The following STXBP5L variants were observed in gnomAD, a reference collection of about 807,000 sequenced individuals.
STXBP5L encodes the protein syntaxin binding protein 5L.
Under a neutral mutation model 144.5 loss-of-function variants are expected in STXBP5L, and 65 were observed. The ratio of observed to expected loss-of-function variants is 0.45; its 90% CI spans 0.37 to 0.55. The LOEUF is 0.55. Ranked by LOEUF, STXBP5L falls within the 20% of genes least tolerant of loss-of-function variation. STXBP5L has a pLI of 0.00. For synonymous variants in STXBP5L, 505 were observed against 469.6 expected (o/e 1.08, Z -0.97); for missense variants, 1,298 against 1,405.5 (o/e 0.92, Z 1.22).
At chr3:121,309,441 T>C (rs1461586921) in intron 19 of STXBP5L, among the ~76,000 whole-genome samples, 1 of 152,040 alleles carries the variant, frequency 6.6e-6, no homozygotes, top group African/African-American at 2.4e-5. Flanking sequence ...TCAATCAAGA[T>C]GAGACAATAA....
At chr3:121,093,078 T>G (rs570340135) in intron 5 of STXBP5L, among the ~76,000 whole-genome samples, 1 of 152,368 alleles carries the variant, frequency 6.6e-6, no homozygotes, top group African/African-American at 2.4e-5. Flanking sequence ...TTACATTTAT[T>G]GATTTGCATA....
At chr3:121,366,205 C>T (rs1404569053) in intron 20 of STXBP5L, among the ~76,000 whole-genome samples, 1 of 151,874 alleles carries the variant, frequency 6.6e-6, no homozygotes, top group African/African-American at 2.4e-5. Context: ...GAGGATGTCT[C>T]ATGTGCACTT....
At chr3:121,221,884 A>C (rs965668328) in intron 10 of STXBP5L, among the ~76,000 whole-genome samples, 1 of 151,786 alleles carries the variant, frequency 6.6e-6, no homozygotes, top group Non-Finnish European at 1.5e-5. Flanking sequence ...TAAAAAAAAA[A>C]CCCTTTTTGG....
At chr3:120,970,517 G>A (rs1210237505) in intron 3 of STXBP5L, among the ~76,000 whole-genome samples, 1 of 152,066 alleles carries the variant, frequency 6.6e-6, no homozygotes, top group Non-Finnish European at 1.5e-5. Flanking sequence ...TGGACAGCAG[G>A]ATTTCTGCTG....
intron 3 of STXBP5L, among the ~76,000 whole-genome samples, chr3:121,013,274 C>G (rs1294404346): frequency 6.6e-6 from 1 of 151,988 alleles, no homozygotes; most frequent in Admixed American, 6.6e-5. Context: ...CTCCAAACTA[C>G]TTTCCACAGA....
At chr3:121,183,218 C>A (rs1484301760) in intron 9 of STXBP5L, among the ~76,000 whole-genome samples, 1 of 152,070 alleles carries the variant, frequency 6.6e-6, no homozygotes, top group East Asian at 1.9e-4. Flanking sequence ...AAGCATTCGC[C>A]CTGAAAACTA....
rs543987009 is a variant in STXBP5L, at chr3:121,336,939, T to A, written c.2176+18399T>A. On this transcript the variant is annotated intron_variant, in intron 20 of 26. Transcript: ENST00000471454. ...ACAGCCATAAAAAAGAATGAGATCA[T>A]GTCCTTTGCAGGAACATGGATGGAG... 1.4e-3 allele frequency among the ~76,000 whole-genome samples: 210 copies of A among 152,312 alleles called. 1 individual carries two copies. The highest frequency in any genetic ancestry group is 4.7e-3 in the African/African-American group (196 of 41,584).
At chr3:121,087,354 G>A (rs193026613) in intron 5 of STXBP5L, among the ~76,000 whole-genome samples, 3 of 151,904 alleles carry the variant, frequency 2.0e-5, no homozygotes, top group Non-Finnish European at 2.9e-5. Context: ...AATGTATTTT[G>A]CAGCCTGTTT....
intron 5 of STXBP5L, among the ~76,000 whole-genome samples, chr3:121,061,443 A>G (rs2041272852): frequency 6.6e-6 from 1 of 152,202 alleles, no homozygotes; most frequent in South Asian, 2.1e-4. Context: ...GTGAAAGCAT[A>G]TTCTCTTGAT....
chr3:121,117,241 C>T (rs1311701105), intron 6 of STXBP5L, among the ~76,000 whole-genome samples: 2 of 151,714 alleles, frequency 1.3e-5, no homozygotes, highest in African/African-American at 2.4e-5. Context: ...CATGATTCAG[C>T]ATTAGAATAG....
At chr3:121,058,532 A>T (rs1430379614) in intron 5 of STXBP5L, among the ~76,000 whole-genome samples, 1 of 152,214 alleles carries the variant, frequency 6.6e-6, no homozygotes, top group Non-Finnish European at 1.5e-5. Context: ...CTGATTCTAG[A>T]TCCTTGAAGA....
At chr3:121,087,451 C>A (rs1024505528) in intron 5 of STXBP5L, among the ~76,000 whole-genome samples, 1 of 152,020 alleles carries the variant, frequency 6.6e-6, no homozygotes, top group East Asian at 1.9e-4. Context: ...CTCATAATTT[C>A]CTTTACTGTG....
chr3:121,234,654 A>C (rs1387446523), intron 12 of STXBP5L, among the ~76,000 whole-genome samples: 1 of 151,708 alleles, frequency 6.6e-6, no homozygotes, highest in Non-Finnish European at 1.5e-5. Flanking sequence ...TTGTTTGTAA[A>C]TGTAAGATCC....
chr3:120,965,170 T>G (rs1939406104), intron 3 of STXBP5L, among the ~76,000 whole-genome samples: 1 of 152,204 alleles, frequency 6.6e-6, no homozygotes, highest in African/African-American at 2.4e-5. Context: ...AGCCTATGTG[T>G]GTCTTTGCAT....
chr3:121,049,692 T>A (rs1947802939), intron 5 of STXBP5L: 1 of 154,114 alleles, frequency 6.5e-6, no homozygotes, highest in Non-Finnish European at 1.5e-5. Context: ...CTGTAGCACC[T>A]TGCAGGATAA....
intron 23 of STXBP5L, among the ~76,000 whole-genome samples, chr3:121,411,083 A>C (rs2047104943): frequency 6.6e-6 from 1 of 152,108 alleles, no homozygotes; most frequent in South Asian, 2.1e-4. Flanking sequence ...GTGCTATAAC[A>C]GATCATCTTT....
chr3:121,078,657 G>A (rs968633035), intron 5 of STXBP5L, among the ~76,000 whole-genome samples: 1 of 151,940 alleles, frequency 6.6e-6, no homozygotes, highest in Non-Finnish European at 1.5e-5. Context: ...GCCAGCTGCA[G>A]GTTCTGAGCC....
chr3:121,346,215 T>A (rs528474088), intron 20 of STXBP5L, among the ~76,000 whole-genome samples: 1 of 151,760 alleles, frequency 6.6e-6, no homozygotes, highest in East Asian at 1.9e-4. Context: ...TTGATTTTTG[T>A]CCTTGCAATA....
chr3:121,128,509 G>A (rs779232312), intron 7 of STXBP5L, among the ~76,000 whole-genome samples: 2 of 152,072 alleles, frequency 1.3e-5, no homozygotes, highest in Non-Finnish European at 2.9e-5. Flanking sequence ...GAGAAGCTTG[G>A]TAGTGGTTGT....
Sources: allele counts gnomAD v4.1 joint callset (sites outside exome capture counted in the v4.1 genomes callset), GRCh38; gene constraint gnomAD v4.1.1; transcripts MANE v1.5; gene names NCBI Gene and HGNC (gene_info 2026-07-23, HGNC 2026-07-21).